Variants in CPEB3 observed in about 807,000 individuals in gnomAD.
CPEB3 encodes cytoplasmic polyadenylation element-binding protein 3.
Under a neutral mutation model 67.2 loss-of-function variants are expected in CPEB3, and 20 were observed. The observed-to-expected ratio is 0.30, with a 90% confidence interval of 0.21 to 0.43. The LOEUF (loss-of-function observed/expected upper bound fraction) is 0.43. Ranked by LOEUF, CPEB3 falls within the 20% of genes least tolerant of loss-of-function variation. The pLI is 1.00. For missense variants in CPEB3, 746 were observed against 968.6 expected (o/e 0.77, Z 3.05); for synonymous variants, 376 against 393.1 (o/e 0.96, Z 0.51).
intron 2 of CPEB3, among the ~76,000 whole-genome samples, chr10:92,203,835 C>G (rs1373169320): frequency 6.6e-6 from 1 of 152,094 alleles, no homozygotes; most frequent in Non-Finnish European, 1.5e-5. Flanking sequence ...TAAACCTAAA[C>G]GAGACAGTAG....
chr10:92,222,330 C>A lies in CPEB3; in HGVS notation c.1005+17016G>T, dbSNP rs1850743101. On this transcript the variant is annotated intron_variant, in intron 2 of 9. Coordinates refer to ENST00000265997, the MANE Select transcript of CPEB3 (RefSeq NM_014912.5). ...GGGATTACAGGTATGAGCCACTGCA[C>A]TCAGTTCTAAACCTTTTTAATGTCA... Among the ~76,000 whole-genome samples, 2 of 152,034 alleles carry A rather than the reference C, an allele frequency of 1.3e-5. 1 individual carries two copies. The highest frequency in any genetic ancestry group is 4.1e-4 in the South Asian group (2 of 4,822).
At chr10:92,054,449 G>T (rs139769270) in intron 9 of CPEB3, among the ~76,000 whole-genome samples, 1 of 150,622 alleles carries the variant, frequency 6.6e-6, no homozygotes, top group Non-Finnish European at 1.5e-5. Context: ...TTGAGACGGC[G>T]TCTCACTCTT....
intron 6 of CPEB3, among the ~76,000 whole-genome samples, chr10:92,138,877 A>G (rs1846247750): frequency 6.6e-6 from 1 of 152,372 alleles, no homozygotes; most frequent in Admixed American, 6.5e-5. Context: ...GGAAATCAGT[A>G]TATCAAAGAG....
At chr10:92,102,558 G>A (rs1370502002) in intron 7 of CPEB3, among the ~76,000 whole-genome samples, 1 of 152,164 alleles carries the variant, frequency 6.6e-6, no homozygotes, top group Non-Finnish European at 1.5e-5. Context: ...AACTCCTTTG[G>A]GAACTTCAGT....
At chr10:92,137,320 G>A (rs1030447430) in intron 6 of CPEB3, 1 of 743,646 alleles carries the variant, frequency 1.3e-6, no homozygotes, top group Non-Finnish European at 2.2e-6. Flanking sequence ...TATCATCGTG[G>A]GTACCCCTGG....
intron 3 of CPEB3, among the ~76,000 whole-genome samples, chr10:92,184,140 C>T (rs1848582295): frequency 6.6e-6 from 1 of 152,184 alleles, no homozygotes; most frequent in South Asian, 2.1e-4. Flanking sequence ...CCAACCTAAA[C>T]TTCCTTATGA....
intron 1 of CPEB3, among the ~76,000 whole-genome samples, chr10:92,283,597 C>A (rs1842394396): frequency 6.6e-6 from 1 of 152,098 alleles, no homozygotes; most frequent in Non-Finnish European, 1.5e-5. Context: ...AATTAGGCAC[C>A]ACTGCAGGGC....
rs754423428 is a variant in CPEB3 at position 92,217,248 on chromosome 10, TACAC to T, written c.1005+22094_1005+22097del. ...AAAAAAAAAAAATTATATATATATA[TACAC>T]ACACACACACACACACACACATATA... is the stretch of plus-strand genomic sequence containing the variant. On this transcript the variant is annotated intron_variant, in intron 2 of 9. Coordinates refer to ENST00000265997, the MANE Select transcript of CPEB3 (RefSeq NM_014912.5). 6.9e-4 allele frequency among the ~76,000 whole-genome samples: 88 copies of T among 127,262 alleles called. 1 individual carries two copies. The highest frequency in any genetic ancestry group is 2.2e-3 in the African/African-American group (70 of 31,554). The allele number at this position is 127,262 out of a possible 152,430, so 83.5% of individuals were successfully genotyped here. A position where few individuals can be genotyped will look rare whatever the true frequency, so the allele number is the denominator to read the frequency against.
At chr10:92,058,889 T>C (rs1842223296) in intron 9 of CPEB3, among the ~76,000 whole-genome samples, 1 of 152,188 alleles carries the variant, frequency 6.6e-6, no homozygotes, top group Non-Finnish European at 1.5e-5. Flanking sequence ...CCTCAGCACA[T>C]GGATCATCCT....
At chr10:92,168,454 A>G (rs769847327) in intron 4 of CPEB3, among the ~76,000 whole-genome samples, 2 of 152,120 alleles carry the variant, frequency 1.3e-5, no homozygotes, top group Non-Finnish European at 2.9e-5. Flanking sequence ...GTTTTTTTCA[A>G]ACTTCTTTCT....
intron 9 of CPEB3, among the ~76,000 whole-genome samples, chr10:92,062,816 T>C (rs1842406150): frequency 6.6e-6 from 1 of 152,262 alleles, no homozygotes; most frequent in African/African-American, 2.4e-5. Context: ...GTTACTGATC[T>C]ATATTACCAT....
intron 1 of CPEB3, among the ~76,000 whole-genome samples, chr10:92,265,479 G>T (rs1373857874): frequency 6.6e-6 from 1 of 151,986 alleles, no homozygotes; most frequent in African/African-American, 2.4e-5. Flanking sequence ...AAGACAGGGC[G>T]GGCACGGTGG....
rs749351946 is a variant in CPEB3 at position 92,144,995 on chromosome 10, C to T, written c.1313G>A (p.Arg438His). The change falls in exon 5 of 10, where the codon CGC becomes CAC. Residue 438 changes from arginine to histidine, a missense_variant. Transcript: ENST00000265997. Reference sequence around the variant, plus strand: ...TCCAACAAACACCTTTCTAGAGTAGCGTTCTACTCGTTCCCCATTTTGACA... The same window carrying T: ...TCCAACAAACACCTTTCTAGAGTAGTGTTCTACTCGTTCCCCATTTTGACA... ...TRCQNGERVERYSRKVFVGGL... is the reference protein window; with the variant it reads ...TRCQNGERVEHYSRKVFVGGL... 5.6e-6 allele frequency: 9 copies of T among 1,613,962 alleles called. No homozygotes were observed. The highest frequency in any genetic ancestry group is 4.4e-5 in the South Asian group (4 of 91,090).
At position 92,240,298 on chromosome 10, in the gene CPEB3, T is replaced by G. The variant is rs1564900443; in HGVS notation, c.53A>C (p.Gln18Pro). The change falls in exon 2 of 10, where the codon CAG becomes CCG. Residue 18 changes from glutamine (Q) to proline (P), a missense_variant. By Grantham distance (76) the Gln-to-Pro change is moderately conservative. Coordinates refer to ENST00000265997, the MANE Select transcript of CPEB3 (RefSeq NM_014912.5). Reference sequence around the variant, plus strand: ...GGGCTGCTGCTGCTGCCGCTGCTGCTGCTGGGGCTGGGGCTGGGTTTTGCT... The same window carrying G: ...GGGCTGCTGCTGCTGCCGCTGCTGCGGCTGGGGCTGGGGCTGGGTTTTGCT... ...DKSKTQPQPQ[Q>P]QQRQQQQPQP... The G allele has an allele frequency of 4.0e-6, 6 of 1,515,968 alleles. No individual in the cohort carries two copies. In the African/African-American group the frequency reaches 4.2e-5, roughly 11 times the overall value. 93.9% of individuals were successfully genotyped at this position (1,515,968 alleles called of 1,614,324 possible).
chr10:92,128,190 A>C (rs567820323), intron 6 of CPEB3, among the ~76,000 whole-genome samples: 1 of 152,332 alleles, frequency 6.6e-6, no homozygotes, highest in South Asian at 2.1e-4. Flanking sequence ...CATGTACAAA[A>C]ATATACCAAG....
chr10:92,282,715 C>T (rs538014859), intron 1 of CPEB3, among the ~76,000 whole-genome samples: 2 of 151,850 alleles, frequency 1.3e-5, no homozygotes, highest in Non-Finnish European at 2.9e-5. Flanking sequence ...AACATAATAC[C>T]GTAGATGTTA....
At chr10:92,234,125 G>T (rs111894637) in intron 2 of CPEB3, among the ~76,000 whole-genome samples, 1 of 142,298 alleles carries the variant, frequency 7.0e-6, no homozygotes, top group Non-Finnish European at 1.5e-5. Context: ...AAAAAAAAAA[G>T]GAGAAGGATA....
chr10:92,235,531 C>T (rs758324452), intron 2 of CPEB3, among the ~76,000 whole-genome samples: 1 of 152,164 alleles, frequency 6.6e-6, no homozygotes, highest in South Asian at 2.1e-4. Context: ...CATAACCCTA[C>T]GTTTATGGGA....
intron 1 of CPEB3, among the ~76,000 whole-genome samples, chr10:92,286,634 C>G (rs1842539916): frequency 6.7e-6 from 1 of 149,236 alleles, no homozygotes; most frequent in South Asian, 2.1e-4. Context: ...TACTAGCATA[C>G]CTATGCATAT....
Sources: gnomAD v4.1 joint callset for allele counts (sites outside exome capture counted in the v4.1 genomes callset) on GRCh38, gnomAD v4.1.1 for gene constraint, MANE v1.5 for transcripts, NCBI Gene and HGNC (gene_info 2026-07-23, HGNC 2026-07-21) for gene names.